The following TRAPPC10 variants were observed in gnomAD, a reference collection of about 807,000 sequenced individuals.
TRAPPC10 encodes the protein trafficking protein particle complex subunit 10.
TRAPPC10 carries 23 observed loss-of-function variants against 125.5 expected under a neutral mutation model. The ratio of observed to expected loss-of-function variants is 0.18; its 90% CI spans 0.13 to 0.26. The LOEUF is 0.26. Ranked by LOEUF, TRAPPC10 falls within the 10% of genes least tolerant of loss-of-function variation. TRAPPC10 has a pLI of 1.00. For synonymous variants in TRAPPC10, 509 were observed against 518.0 expected, an observed-to-expected ratio of 0.98 and a Z score of 0.24; for missense variants, 1,123 against 1,308.4, an observed-to-expected ratio of 0.86 and a Z score of 2.19.
At chr21:44,089,767 G>A (rs1024440210) in intron 17 of TRAPPC10, 66 bp from the exon 18 acceptor site, 3 of 1,251,200 alleles carry the variant, frequency 2.4e-6, no homozygotes, top group Non-Finnish European at 3.5e-6. Flanking sequence ...AGTCTGGGCA[G>A]CAGTGGTGGT....
chr21:44,085,396 G>C (rs1601806147), intron 15 of TRAPPC10, among the ~76,000 whole-genome samples: 2 of 152,088 alleles, frequency 1.3e-5, no homozygotes, highest in Non-Finnish European at 2.9e-5. Context: ...TTAGAAGTAC[G>C]TTTCAAATGC....
chr21:44,016,395 C>T (rs2031846040), intron 1 of TRAPPC10, among the ~76,000 whole-genome samples: 1 of 152,136 alleles, frequency 6.6e-6, no homozygotes, highest in African/African-American at 2.4e-5. Flanking sequence ...TGTTGACTGT[C>T]CTCATACCTA....
At chr21:44,035,001 C>A (rs536480259) in intron 2 of TRAPPC10, among the ~76,000 whole-genome samples, 16 of 152,218 alleles carry the variant, frequency 1.1e-4, no homozygotes, top group African/African-American at 3.9e-4. Context: ...ATGTCCTAAG[C>A]CTCCAGGTTT....
At chr21:44,014,038 T>C (rs1488169249) in intron 1 of TRAPPC10, among the ~76,000 whole-genome samples, 2 of 152,252 alleles carry the variant, frequency 1.3e-5, no homozygotes, top group Non-Finnish European at 2.9e-5. Context: ...CCTAAAGTGC[T>C]GTGCACGTTG....
At chr21:44,067,741 C>T (rs1194057031) in intron 7 of TRAPPC10, among the ~76,000 whole-genome samples, 1 of 152,128 alleles carries the variant, frequency 6.6e-6, no homozygotes, top group Non-Finnish European at 1.5e-5. Flanking sequence ...TTGCCGGATG[C>T]CTCAGGTCAG....
At chr21:44,067,979 G>A (rs1459670894) in intron 7 of TRAPPC10, among the ~76,000 whole-genome samples, 3 of 152,066 alleles carry the variant, frequency 2.0e-5, no homozygotes, top group African/African-American at 7.2e-5. Context: ...AATTAGCTGG[G>A]CGTGATGGCA....
intron 14 of TRAPPC10, among the ~76,000 whole-genome samples, chr21:44,083,902 A>G (rs2037939001): frequency 6.6e-6 from 1 of 152,200 alleles, no homozygotes; most frequent in Admixed American, 6.5e-5. Context: ...ATTAAAGTTA[A>G]ATTTAAGCAT....
rs915877 is a variant in TRAPPC10, at chr21:44,082,963, T to G, written c.1899T>G (p.Ile633Met). The change falls in exon 14 of 23, where the codon ATT (isoleucine) becomes ATG (methionine). Residue 633 changes from isoleucine to methionine, a missense_variant. Transcript: ENST00000291574. The surrounding 1 kb of genome is among the most constrained non-coding windows in gnomAD (Gnocchi z 4.4). ...TTGTGGTCAATGTCCACTTCAGCAT[T>G]GAGAAAAACAGCTACCGGAAGACTG... ...EQIVVNVHFS[I>M]EKNSYRKTAE... is the part of the protein sequence containing the mutation. The G allele has an allele frequency of 0.056, 90,296 of 1,613,936 alleles. 2,857 individuals carry two copies. The highest frequency in any genetic ancestry group is 0.099 in the Middle Eastern group (602 of 6,062).
chr21:44,072,606 G>T (rs1369080490), intron 7 of TRAPPC10, among the ~76,000 whole-genome samples: 7 of 152,294 alleles, frequency 4.6e-5, no homozygotes. Context: ...TGGGATTACA[G>T]GTGCATGCCA....
At chr21:44,060,454 G>A (rs1320965756) in intron 6 of TRAPPC10, among the ~76,000 whole-genome samples, 1 of 151,802 alleles carries the variant, frequency 6.6e-6, no homozygotes, top group African/African-American at 2.4e-5. Flanking sequence ...CTAATGTTTT[G>A]TATTTTTAGT....
chr21:44,052,033 C>T (rs1190272649), intron 3 of TRAPPC10, among the ~76,000 whole-genome samples: 1 of 152,232 alleles, frequency 6.6e-6, no homozygotes, highest in Non-Finnish European at 1.5e-5. Flanking sequence ...ATCTGGATCA[C>T]TGGGACGCTC....
At chr21:44,090,365 A>T (rs182013757) in intron 18 of TRAPPC10, among the ~76,000 whole-genome samples, 319 of 152,312 alleles carry the variant, frequency 2.1e-3, no homozygotes, top group African/African-American at 7.0e-3. Context: ...GGAGCTTTTA[A>T]GCTCAGCATT....
intron 3 of TRAPPC10, among the ~76,000 whole-genome samples, chr21:44,045,560 T>G (rs563335698): frequency 5.3e-5 from 8 of 152,194 alleles, no homozygotes; most frequent in Admixed American, 4.6e-4. Context: ...TTTCTTTCTT[T>G]TTTCTTTTTT....
At chr21:44,060,380 A>G (rs2035945741) in intron 6 of TRAPPC10, 1 of 144,044 alleles carries the variant, frequency 6.9e-6, no homozygotes, top group South Asian at 2.2e-4. Context: ...GGTTCATGCC[A>G]TTCATGCCAT....
Position 44,082,685 on chromosome 21 carries a change from G to A in TRAPPC10, c.1724-103G>A. The A allele has an allele frequency of 7.6e-7, 1 of 1,317,322 alleles. No homozygotes were observed. Among genetic ancestry groups the A allele is most frequent in the Non-Finnish European group, 1.1e-6 (1 of 940,534 alleles). The allele number at this position is 1,317,322 out of a possible 1,614,324, so 81.6% of individuals were successfully genotyped here. ...GCTGCTGTGCCCATCACTGCTGCTT[G>A]CTTCAGTCTGCTCTCGGTGATCTTA... On this transcript the variant is annotated intron_variant, in intron 13 of 22. Transcript: ENST00000291574. This position sits in a 1 kb window ranked among gnomAD's most constrained non-coding sequence, Gnocchi z 4.4.
intron 1 of TRAPPC10, among the ~76,000 whole-genome samples, chr21:44,026,644 T>C (rs1170950419): frequency 6.6e-6 from 1 of 152,264 alleles, no homozygotes; most frequent in African/African-American, 2.4e-5. Flanking sequence ...CAAAATTTTC[T>C]GTAAAGCAAA....
At chr21:44,044,285 A>G (rs1049761370) in intron 3 of TRAPPC10, among the ~76,000 whole-genome samples, 1 of 3,214 alleles carries the variant, frequency 3.1e-4, no homozygotes, top group Admixed American at 3.5e-3. Flanking sequence ...TTTGAATGAG[A>G]CTTTTTTCCT....
chr21:44,078,885 G>A (rs564006580), intron 11 of TRAPPC10, among the ~76,000 whole-genome samples: 18 of 152,176 alleles, frequency 1.2e-4, no homozygotes, highest in Non-Finnish European at 2.5e-4. Flanking sequence ...GTTTGAGACT[G>A]CAGTGAGCTA....
chr21:44,076,791 G>A (rs551213028), intron 10 of TRAPPC10, among the ~76,000 whole-genome samples, 163 bp downstream of exon 10: 4 of 152,252 alleles, frequency 2.6e-5, no homozygotes, highest in African/African-American at 9.6e-5. Flanking sequence ...AAAACATGGA[G>A]TAGTTCATCA....
Sources: gnomAD v4.1 joint callset for allele counts (sites outside exome capture counted in the v4.1 genomes callset) on GRCh38, gnomAD v4.1.1 for gene constraint, Gnocchi (gnomAD v3.1) non-coding constraint, MANE v1.5 for transcripts, NCBI Gene and HGNC (gene_info 2026-07-23, HGNC 2026-07-21) for gene names.